The following PAK3 variants were observed in gnomAD, a reference collection of about 807,000 sequenced individuals.
PAK3 encodes the protein p21 (RAC1) activated kinase 3, also known as serine/threonine-protein kinase PAK 3.
PAK3 carries 4 observed loss-of-function variants against 41.0 expected under a neutral mutation model. That is an observed-to-expected ratio of 0.10 (90% CI 0.05 to 0.22). The LOEUF (loss-of-function observed/expected upper bound fraction) is 0.22. PAK3 is among the 10% of genes least tolerant of loss of function. PAK3 has a pLI of 1.00. For synonymous variants in PAK3, 146 were observed against 139.6 expected (o/e 1.05, Z -0.32); for missense variants, 205 against 409.9 (o/e 0.50, Z 4.32).
intron 6 of PAK3, chrX:111,144,896 G>T: frequency 1.8e-6 from 2 of 1,136,926 alleles, no homozygotes; most frequent in Non-Finnish European, 2.4e-6. Context: ...TGTGACGGTC[G>T]CTTCAAGTCA....
chrX:111,189,313 C>G (rs1420209932), intron 11 of PAK3, among the ~76,000 whole-genome samples: 2 of 111,838 alleles, frequency 1.8e-5, no homozygotes, highest in African/African-American at 3.3e-5. Flanking sequence ...TTTTCTTTAT[C>G]CAATCCAGCA....
chrX:111,185,927 A>T (rs2094505682), intron 11 of PAK3, among the ~76,000 whole-genome samples: 1 of 111,546 alleles, frequency 9.0e-6, no homozygotes, highest in African/African-American at 3.3e-5. Flanking sequence ...CCAGCAGCAC[A>T]GCAAAAAGCT....
intron 1 of PAK3, among the ~76,000 whole-genome samples, chrX:111,005,806 A>G (rs1259900629): frequency 3.6e-5 from 4 of 111,777 alleles, no homozygotes; most frequent in Non-Finnish European, 7.5e-5. Context: ...TTTCATAAGG[A>G]CTGTGCTAAG....
In PAK3 at chrX:111,227,045, A is replaced by G. The variant is rs1358968594; in HGVS notation, c.*6598A>G. ...TTTGGCTGAGCATTACTTTTGTCAGAATGTGTTATCTGTAAACCATGTGTA... is the reference window on the plus strand; with the variant it reads ...TTTGGCTGAGCATTACTTTTGTCAGGATGTGTTATCTGTAAACCATGTGTA... On this transcript the variant is annotated 3_prime_UTR_variant, in exon 18 of 18. Coordinates refer to ENST00000372007, the MANE Select transcript of PAK3 (RefSeq NM_002578.5). 1 of 112,117 alleles carries G rather than the reference A, an allele frequency of 8.9e-6. No homozygotes were observed. The highest frequency in any genetic ancestry group is 1.9e-5 in the Non-Finnish European group (1 of 53,256). 9.2% of individuals were successfully genotyped at this position (112,117 alleles called of 1,213,427 possible).
intron 1 of PAK3, among the ~76,000 whole-genome samples, chrX:111,068,214 G>T (rs769532076): frequency 1.8e-5 from 2 of 111,344 alleles, no homozygotes; most frequent in Non-Finnish European, 3.8e-5. Flanking sequence ...TCGTTTTATG[G>T]ATCATCTATA....
At chrX:111,082,324 G>A (rs906509939) in intron 1 of PAK3, among the ~76,000 whole-genome samples, 3 of 112,037 alleles carry the variant, frequency 2.7e-5, no homozygotes, top group South Asian at 3.8e-4. Flanking sequence ...GGGGATACAA[G>A]TCAGTGAAAT....
At chrX:111,132,073 A>G (rs1038410368) in intron 5 of PAK3, among the ~76,000 whole-genome samples, 3 of 111,137 alleles carry the variant, frequency 2.7e-5, no homozygotes, top group African/African-American at 6.5e-5. Flanking sequence ...CTTACAGGCC[A>G]AAGGCAACAT....
intron 5 of PAK3, among the ~76,000 whole-genome samples, 157 bp downstream of exon 5, chrX:111,123,435 T>A (rs993959002): frequency 1.2e-4 from 14 of 113,039 alleles, no homozygotes; most frequent in Admixed American, 6.5e-4. Context: ...GAGAATAATG[T>A]TTGATTGATT....
At chrX:111,095,852 A>G (rs1282528648), upstream of PAK3, among the ~76,000 whole-genome samples, 2 of 111,152 alleles carry the variant, frequency 1.8e-5, no homozygotes, top group East Asian at 2.9e-4. Flanking sequence ...TGAAATCTCA[A>G]TTCTCCTGAG....
intron 1 of PAK3, among the ~76,000 whole-genome samples, chrX:110,986,758 T>C (rs866539359): frequency 5.2e-4 from 50 of 96,944 alleles, no homozygotes; most frequent in Non-Finnish European, 7.8e-4. Flanking sequence ...AGTGTACGCG[T>C]GTGTGTGTGT....
intron 10 of PAK3, among the ~76,000 whole-genome samples, chrX:111,172,311 C>A (rs2094353014): frequency 9.0e-6 from 1 of 111,643 alleles, no homozygotes; most frequent in Admixed American, 9.5e-5. Flanking sequence ...TGTATATTTT[C>A]CAGAATGTTT....
In PAK3 at chrX:111,162,979, A is replaced by G. The variant is rs374572591; in HGVS notation, c.533A>G (p.Glu178Gly). The change falls in exon 9 of 18, where the codon GAA becomes GGA. Residue 178 changes from glutamate (E) to glycine (G), a missense_variant. Transcript: ENST00000372007. ...GTGTCTGAAGAAGAAGATGAAGAGG[A>G]AGAAGAAGAAGAAGATGAAAATGAG... Reference protein sequence around the residue: ...PPVSEEEDEEEEEEEDENEPP... With the variant: ...PPVSEEEDEEGEEEEDENEPP... 1 of 1,176,148 alleles carries G rather than the reference A, an allele frequency of 8.5e-7. No homozygotes were observed. The highest frequency in any genetic ancestry group is 1.8e-5 in the African/African-American group (1 of 56,449).
intron 1 of PAK3, among the ~76,000 whole-genome samples, chrX:111,077,879 G>A (rs1036539172): frequency 9.0e-6 from 1 of 111,340 alleles, no homozygotes; most frequent in African/African-American, 3.3e-5. Context: ...CCTATGGAAC[G>A]GGATAAAATA....
chrX:110,979,291 CTTTTCTT>C (rs2091401653), intron 1 of PAK3, among the ~76,000 whole-genome samples: 1 of 19,825 alleles, frequency 5.0e-5, no homozygotes. Flanking sequence ...TTCTCTATTA[CTTTTCTT>C]TTTTTTTTTT....
chrX:111,183,625 A>C (rs989568530), intron 11 of PAK3, among the ~76,000 whole-genome samples: 1 of 111,722 alleles, frequency 9.0e-6, no homozygotes, highest in African/African-American at 3.3e-5. Flanking sequence ...CTAAATTATT[A>C]GTCCTACCAT....
At chrX:111,178,317 T>C (rs2094428501) in intron 11 of PAK3, among the ~76,000 whole-genome samples, 2 of 111,475 alleles carry the variant, frequency 1.8e-5, no homozygotes, top group Admixed American at 9.6e-5. Context: ...TCACCACTTA[T>C]ATCTTAGCTT....
intron 4 of PAK3, among the ~76,000 whole-genome samples, chrX:111,121,381 A>C (rs2093564996): frequency 8.9e-6 from 1 of 112,190 alleles, no homozygotes; most frequent in Non-Finnish European, 1.9e-5. Flanking sequence ...CAGATGGAGA[A>C]GCTATTAATT....
chrX:110,998,008 G>A (rs974159419), intron 1 of PAK3, among the ~76,000 whole-genome samples: 6 of 111,671 alleles, frequency 5.4e-5, no homozygotes, highest in Non-Finnish European at 7.5e-5. Flanking sequence ...TATTGTGCAT[G>A]TGCTATCCAG....
At chrX:111,117,658 G>A (rs1273114671) in intron 4 of PAK3, among the ~76,000 whole-genome samples, 2 of 111,763 alleles carry the variant, frequency 1.8e-5, no homozygotes, top group Non-Finnish European at 3.8e-5. Flanking sequence ...ATAGGCTTAT[G>A]TAACATTATG....
Sources: allele counts gnomAD v4.1 joint callset (sites outside exome capture counted in the v4.1 genomes callset), GRCh38; gene constraint gnomAD v4.1.1; transcripts MANE v1.5; gene names NCBI Gene and HGNC (gene_info 2026-07-23, HGNC 2026-07-21).